Variants in MACROD2 observed in about 807,000 individuals in gnomAD.
The protein encoded by MACROD2 is mono-ADP ribosylhydrolase 2.
A neutral mutation model predicts 70.4 loss-of-function variants in MACROD2; 36 were observed. That is an observed-to-expected ratio of 0.51 (90% confidence interval 0.39 to 0.68). The LOEUF is 0.68. Among genes scored for constraint, MACROD2 ranks in the 30% least tolerant of loss-of-function variants. The pLI, the probability that MACROD2 is intolerant of heterozygous loss-of-function variation, is 0.00. For missense variants in MACROD2, 496 were observed against 538.4 expected, an observed-to-expected ratio of 0.92 and a Z score of 0.78; for synonymous variants, 172 against 178.8, an observed-to-expected ratio of 0.96 and a Z score of 0.30.
intron 8 of MACROD2, among the ~76,000 whole-genome samples, chr20:15,598,370 T>C (rs1306223307): frequency 6.6e-6 from 1 of 152,106 alleles, no homozygotes; most frequent in Non-Finnish European, 1.5e-5. Context: ...CTCTAAACGC[T>C]TTTCTTCGGG....
intron 7 of MACROD2, among the ~76,000 whole-genome samples, chr20:15,488,824 A>G (rs2047193023): frequency 6.6e-6 from 1 of 152,200 alleles, no homozygotes; most frequent in Non-Finnish European, 1.5e-5. Context: ...ACCCTATTCC[A>G]GGTGATTCTA....
At chr20:14,461,557 C>T (rs375171843) in intron 3 of MACROD2, among the ~76,000 whole-genome samples, 2 of 151,640 alleles carry the variant, frequency 1.3e-5, no homozygotes, top group South Asian at 4.2e-4. Flanking sequence ...CGTGAAGGTG[C>T]AGGTTTGTTA....
At chr20:14,795,979 A>AT (rs1289474170) in intron 5 of MACROD2, among the ~76,000 whole-genome samples, 1 of 152,066 alleles carries the variant, frequency 6.6e-6, no homozygotes, top group Non-Finnish European at 1.5e-5. Flanking sequence ...TGTCCATTAG[A>AT]TTTGGCCACA....
At chr20:15,407,764 A>G (rs1224194416) in intron 6 of MACROD2, among the ~76,000 whole-genome samples, 1 of 152,226 alleles carries the variant, frequency 6.6e-6, no homozygotes, top group Non-Finnish European at 1.5e-5. Flanking sequence ...TATACTTTTG[A>G]AACACTGCCT....
At chr20:14,144,683 A>C (rs368855521) in intron 3 of MACROD2, among the ~76,000 whole-genome samples, 1 of 152,180 alleles carries the variant, frequency 6.6e-6, no homozygotes, top group Admixed American at 6.5e-5. Flanking sequence ...ATTTTTTTAC[A>C]TCTCCACACA....
chr20:15,103,085 T>C (rs1283439331), intron 5 of MACROD2, among the ~76,000 whole-genome samples: 1 of 152,160 alleles, frequency 6.6e-6, no homozygotes, highest in Non-Finnish European at 1.5e-5. Flanking sequence ...TGTGAAGGAA[T>C]TGTGAAAAGG....
Position 15,573,825 on chromosome 20 carries a change from T to C in MACROD2, c.645+73978T>C, listed in dbSNP as rs920989113. Among the ~76,000 whole-genome samples the C allele has an allele frequency of 2.0e-5, 3 of 152,128 alleles. No homozygotes were observed. The East Asian group carries it at 5.8e-4, about 29-fold the overall frequency. ...CACTTGGAATGGTGTAGCCAAACTGTAATCATGCCTTCATAACATTGTATT... is the reference window on the plus strand; with the variant it reads ...CACTTGGAATGGTGTAGCCAAACTGCAATCATGCCTTCATAACATTGTATT... On this transcript the variant is annotated intron_variant, in intron 8 of 17. Transcript: ENST00000684519.
intron 5 of MACROD2, among the ~76,000 whole-genome samples, chr20:15,065,580 G>A (rs1462839474): frequency 6.6e-6 from 1 of 151,658 alleles, no homozygotes; most frequent in Non-Finnish European, 1.5e-5. Flanking sequence ...CGTGAACCTG[G>A]GAGGCGGAGC....
Position 15,512,409 on chromosome 20 carries a change from A to G in MACROD2, c.645+12562A>G, listed in dbSNP as rs117815414. ...TCTGGATATTGCCTTTGATGCCTCT[A>G]TGCAAGAGATGCATTTAATAAATTA... is the stretch of plus-strand genomic sequence containing the variant. On this transcript the variant is annotated intron_variant, in intron 8 of 17. Transcript: ENST00000684519. Among the ~76,000 whole-genome samples, 414 of 152,342 alleles carry G rather than the reference A, an allele frequency of 2.7e-3. 8 individuals are homozygous for G. The East Asian group carries it at 0.032, about 12-fold the overall frequency.
intron 5 of MACROD2, among the ~76,000 whole-genome samples, chr20:14,871,920 CAAG>C (rs2073492879): frequency 6.6e-6 from 1 of 151,852 alleles, no homozygotes; most frequent in Admixed American, 6.6e-5. Flanking sequence ...TAAAAAAGAC[CAAG>C]AAGGGCATTA....
chr20:14,426,596 G>C (rs917189374), intron 3 of MACROD2, among the ~76,000 whole-genome samples: 5 of 152,114 alleles, frequency 3.3e-5, no homozygotes, highest in African/African-American at 1.2e-4. Context: ...TTGTGCATAA[G>C]TTTGTCCATA....
chr20:14,569,008 A>C (rs1980001975), intron 4 of MACROD2, among the ~76,000 whole-genome samples: 1 of 151,976 alleles, frequency 6.6e-6, no homozygotes, highest in African/African-American at 2.4e-5. Context: ...TTGAAGTGCC[A>C]AGGAGAGATA....
intron 5 of MACROD2, among the ~76,000 whole-genome samples, chr20:14,818,825 GTTTTTTTTTTTTT>G (rs754477468): frequency 5.1e-5 from 4 of 78,376 alleles, no homozygotes; most frequent in Non-Finnish European, 9.7e-5. Flanking sequence ...TCTTCCTTAG[GTTTTTTTTTTTTT>G]TTTTTTTTTT....
intron 8 of MACROD2, among the ~76,000 whole-genome samples, chr20:15,757,723 C>T (rs2051368593): frequency 1.3e-5 from 2 of 152,152 alleles, no homozygotes; most frequent in African/African-American, 4.8e-5. Flanking sequence ...ATTTTCTTCT[C>T]ACTGTGTCTT....
At chr20:14,632,773 C>CA (rs1984583333) in intron 4 of MACROD2, among the ~76,000 whole-genome samples, 1 of 151,956 alleles carries the variant, frequency 6.6e-6, no homozygotes. Context: ...AACTTTGTGA[C>CA]AAAAAATGAT....
At chr20:14,551,332 T>C (rs1397717304) in intron 4 of MACROD2, among the ~76,000 whole-genome samples, 1 of 152,218 alleles carries the variant, frequency 6.6e-6, no homozygotes, top group Non-Finnish European at 1.5e-5. Flanking sequence ...TTGATTTAAA[T>C]AATGATATTA....
intron 8 of MACROD2, among the ~76,000 whole-genome samples, chr20:15,817,992 G>T (rs1039836152): frequency 2.6e-5 from 4 of 152,084 alleles, no homozygotes; most frequent in African/African-American, 9.7e-5. Context: ...TCATAGCAGG[G>T]TCTCTTCTCT....
intron 15 of MACROD2, among the ~76,000 whole-genome samples, chr20:16,003,348 C>CTGTGTGTG (rs11472125): frequency 3.7e-4 from 56 of 150,358 alleles, no homozygotes; most frequent in Non-Finnish European, 3.3e-4. Flanking sequence ...AGTTTGAACC[C>CTGTGTGTG]TGTGTGTGTG....
At chr20:14,361,974 T>A (rs1339377178) in intron 3 of MACROD2, among the ~76,000 whole-genome samples, 1 of 152,276 alleles carries the variant, frequency 6.6e-6, no homozygotes, top group Non-Finnish European at 1.5e-5. Context: ...CGTCTCTGGT[T>A]TATCTGCACA....
Sources: gnomAD v4.1 joint callset for allele counts (sites outside exome capture counted in the v4.1 genomes callset) on GRCh38, gnomAD v4.1.1 for gene constraint, MANE v1.5 for transcripts, NCBI Gene and HGNC (gene_info 2026-07-23, HGNC 2026-07-21) for gene names.